The following TMC7 variants were observed in gnomAD, a reference collection of about 807,000 sequenced individuals.
TMC7 encodes transmembrane channel like 7.
A neutral mutation model predicts 82.9 loss-of-function variants in TMC7; 54 were observed. The ratio of observed to expected loss-of-function variants is 0.65; its 90% CI spans 0.52 to 0.82. The LOEUF is 0.82. TMC7 is among the 40% of genes least tolerant of loss of function. The probability of loss-of-function intolerance (pLI) is 0.00; values close to 1 mark genes in which losing one functional copy is unlikely to be tolerated. For missense variants in TMC7, 820 were observed against 901.2 expected, an observed-to-expected ratio of 0.91 and a Z score of 1.15; for synonymous variants, 350 against 337.9, an observed-to-expected ratio of 1.04 and a Z score of -0.39.
At chr16:18,996,563 G>A (rs901481310) in intron 1 of TMC7, among the ~76,000 whole-genome samples, 3 of 152,212 alleles carry the variant, frequency 2.0e-5, no homozygotes, top group African/African-American at 4.8e-5. Context: ...AGAAAATAAG[G>A]CATTTAAGTT....
intron 8 of TMC7, among the ~76,000 whole-genome samples, chr16:19,039,700 G>A (rs1960919616): frequency 6.6e-6 from 1 of 152,138 alleles, no homozygotes; most frequent in South Asian, 2.1e-4. Context: ...CACCCTTGAA[G>A]ATACTTTAAA....
intron 6 of TMC7, chr16:19,033,852 A>G (rs2142247240): frequency 6.6e-6 from 1 of 152,304 alleles, no homozygotes; most frequent in Middle Eastern, 3.4e-3. Context: ...ATTTGGGGAA[A>G]GCACTCCATG....
chr16:19,009,048 C>T, intron 1 of TMC7, 124 bp from the exon 2 acceptor site: 2 of 1,078,866 alleles, frequency 1.9e-6, no homozygotes, highest in Non-Finnish European at 2.7e-6. Context: ...GATCAAAATG[C>T]TGTCGTCACT....
chr16:19,035,013 C>T (rs772407934), intron 6 of TMC7, among the ~76,000 whole-genome samples: 13 of 152,004 alleles, frequency 8.6e-5, no homozygotes, highest in East Asian at 1.9e-4. Flanking sequence ...AGCAAAGAAA[C>T]GGAATCAACC....
intron 1 of TMC7, among the ~76,000 whole-genome samples, chr16:18,999,826 C>T (rs928808402): frequency 6.6e-6 from 1 of 152,046 alleles, no homozygotes; most frequent in East Asian, 1.9e-4. Flanking sequence ...TGCAGTGGCG[C>T]GATCTCGGCT....
At position 18,984,088 on chromosome 16, in the gene TMC7, C is replaced by A; in HGVS notation, c.25C>A (p.Leu9Ile). ...CATGAGCGAGTCCAGCGGCAGTGCGCTCCAGCCCGGCAGGCCCAGCCGGCA... is the reference window on the plus strand; with the variant it reads ...CATGAGCGAGTCCAGCGGCAGTGCGATCCAGCCCGGCAGGCCCAGCCGGCA... MSESSGSALQPGRPSRQPA... is the reference protein window; with the variant it reads MSESSGSAIQPGRPSRQPA... Residue 9 changes from leucine (L) to isoleucine (I), a missense_variant, in exon 1 of 16, where the codon CTC becomes ATC. Physicochemically the swap from Leu to Ile is conservative, Grantham distance 5. This residue lies in a region of TMC7 where 650 missense variants were observed against 669.9 expected (regional missense o/e 0.97). Coordinates refer to ENST00000304381, the MANE Select transcript of TMC7 (RefSeq NM_024847.4). 6.7e-7 allele frequency: 1 copy of A among 1,503,290 alleles called. No individual in the cohort carries two copies. The highest frequency in any genetic ancestry group is 8.8e-7 in the Non-Finnish European group (1 of 1,134,192). 93.1% of individuals were successfully genotyped at this position (1,503,290 alleles called of 1,614,324 possible). A position where few individuals can be genotyped will look rare whatever the true frequency, so the allele number is the denominator to read the frequency against.
At chr16:19,003,621 C>T (rs1337599904) in intron 1 of TMC7, among the ~76,000 whole-genome samples, 10 of 142,618 alleles carry the variant, frequency 7.0e-5, no homozygotes, top group East Asian at 2.1e-4. Flanking sequence ...ATTGAGAAAT[C>T]GGATGGTTGC....
In TMC7 at chr16:19,037,899, G is replaced by T. The variant is rs746644870; in HGVS notation, c.1031G>T (p.Arg344Leu). 1 of 1,612,874 alleles carries T rather than the reference G, an allele frequency of 6.2e-7. No homozygotes were observed. The highest frequency in any genetic ancestry group is 1.1e-5 in the South Asian group (1 of 90,654). The change falls in exon 8 of 16, where the codon CGG becomes CTG. Residue 344 changes from arginine to leucine, a missense_variant. This residue lies in a region of TMC7 where 650 missense variants were observed against 669.9 expected (regional missense o/e 0.97). Coordinates refer to ENST00000304381, the MANE Select transcript of TMC7 (RefSeq NM_024847.4). ...LRADLEEERM[R>L]QKIAERTSEE... ...GCAGATCTGGAGGAAGAAAGAATGC[G>T]GCAGAAAATAGCAGAAAGGACCTCA... is the stretch of plus-strand genomic sequence containing the variant.
intron 1 of TMC7, among the ~76,000 whole-genome samples, chr16:18,987,985 T>C (rs2038881976): frequency 3.3e-5 from 5 of 152,248 alleles, no homozygotes; most frequent in Admixed American, 3.3e-4. Context: ...GAGCTGCGCT[T>C]GTGGTGGAGC....
chr16:18,985,566 C>T (rs2038830873), intron 1 of TMC7, among the ~76,000 whole-genome samples: 1 of 152,064 alleles, frequency 6.6e-6, no homozygotes, highest in South Asian at 2.1e-4. Context: ...TCCTCATTTC[C>T]CATACAAAGA....
rs1331548624 is a variant in TMC7 at position 19,062,035 on chromosome 16, G to C, written c.*192G>C. ...ATTAGGGCTTCAGTGACTTAGAAAA[G>C]CAGGGGAAACCCAAGGCTTTGCCTG... On this transcript the variant is annotated 3_prime_UTR_variant, in exon 16 of 16. Coordinates refer to ENST00000304381, the MANE Select transcript of TMC7 (RefSeq NM_024847.4). 2.3e-6 allele frequency: 1 copy of C among 430,302 alleles called. No homozygotes were observed. Among genetic ancestry groups the C allele is most frequent in the African/African-American group, 2.0e-5 (1 of 49,416 alleles). 26.7% of individuals were successfully genotyped at this position (430,302 alleles called of 1,614,324 possible). A position where few individuals can be genotyped will look rare whatever the true frequency, so the allele number is the denominator to read the frequency against.
At chr16:19,036,052 G>T (rs1358973517) in intron 7 of TMC7, among the ~76,000 whole-genome samples, 1 of 152,138 alleles carries the variant, frequency 6.6e-6, no homozygotes, top group Non-Finnish European at 1.5e-5. Context: ...GGGAAGTGGG[G>T]TGGGGATGCA....
chr16:18,998,525 C>T (rs1349231690), intron 1 of TMC7, among the ~76,000 whole-genome samples: 8 of 151,994 alleles, frequency 5.3e-5, no homozygotes, highest in South Asian at 4.2e-4. Flanking sequence ...GAGGCTGAGG[C>T]GGGTGGATCA....
chr16:19,025,093 G>A (rs1186695881), intron 5 of TMC7, among the ~76,000 whole-genome samples: 1 of 150,490 alleles, frequency 6.6e-6, no homozygotes. Flanking sequence ...GTTGTGTAGA[G>A]CTATCTGGTG....
intron 2 of TMC7, among the ~76,000 whole-genome samples, chr16:19,009,714 T>C (rs982852097): frequency 2.0e-5 from 3 of 151,390 alleles, no homozygotes; most frequent in Admixed American, 6.6e-5. Flanking sequence ...CTGAGGCGGG[T>C]GGATCACCTG....
chr16:18,990,729 T>C (rs910029469), intron 1 of TMC7, among the ~76,000 whole-genome samples: 1 of 152,158 alleles, frequency 6.6e-6, no homozygotes, highest in African/African-American at 2.4e-5. Context: ...ACAAAGTACA[T>C]TCTTAAGGGT....
intron 5 of TMC7, among the ~76,000 whole-genome samples, chr16:19,023,797 A>G (rs1245379806): frequency 6.6e-6 from 1 of 152,184 alleles, no homozygotes; most frequent in Non-Finnish European, 1.5e-5. Context: ...GAGGTCCCCC[A>G]CAGAAAGAAG....
intron 15 of TMC7, among the ~76,000 whole-genome samples, chr16:19,061,361 C>T (rs1412799358): frequency 1.3e-5 from 2 of 152,070 alleles, no homozygotes; most frequent in Non-Finnish European, 2.9e-5. Flanking sequence ...GTTGGTCAGG[C>T]TGGTCTGAAA....
intron 1 of TMC7, among the ~76,000 whole-genome samples, chr16:18,993,891 G>A (rs1159659639): frequency 6.6e-6 from 1 of 152,174 alleles, no homozygotes; most frequent in Non-Finnish European, 1.5e-5. Flanking sequence ...TAGCCTCAAT[G>A]ATAGATGTGG....
Sources: gnomAD v4.1 joint callset for allele counts (sites outside exome capture counted in the v4.1 genomes callset) on GRCh38, gnomAD v4.1.1 for gene constraint, gnomAD v4.1.1 regional missense constraint, MANE v1.5 for transcripts, NCBI Gene and HGNC (gene_info 2026-07-23, HGNC 2026-07-21) for gene names.